FAM107B: variants seen among roughly 807,000 people sequenced by gnomAD.
FAM107B encodes protein FAM107B.
FAM107B carries 21 observed loss-of-function variants against 31.5 expected under a neutral mutation model. The ratio of observed to expected loss-of-function variants is 0.67; its 90% confidence interval spans 0.47 to 0.96. The LOEUF (loss-of-function observed/expected upper bound fraction) is 0.96. Ranked by LOEUF, FAM107B falls within the 40% of genes least tolerant of loss-of-function variation. The pLI is 0.00. For synonymous variants in FAM107B, 157 were observed against 141.5 expected, an observed-to-expected ratio of 1.11 and a Z score of -0.78; for missense variants, 452 against 377.1, an observed-to-expected ratio of 1.20 and a Z score of -1.64.
chr10:14,601,217 C>T (rs1456080201), intron 2 of FAM107B, among the ~76,000 whole-genome samples: 1 of 152,148 alleles, frequency 6.6e-6, no homozygotes, highest in African/African-American at 2.4e-5. Context: ...AGCCCCTTGT[C>T]CATGCACCAT....
chr10:14,548,464 A>T, intron 2 of FAM107B: 4 of 985,768 alleles, frequency 4.1e-6, no homozygotes, highest in Non-Finnish European at 4.8e-6. Context: ...CTGGAAGCGC[A>T]GGGCTCCTCT....
chr10:14,584,218 A>G (rs890404043), intron 2 of FAM107B, among the ~76,000 whole-genome samples: 1 of 152,192 alleles, frequency 6.6e-6, no homozygotes, highest in African/African-American at 2.4e-5. Flanking sequence ...AGTAGCAGCA[A>G]TGACTCAGGA....
At chr10:14,664,056 T>C (rs1316329367) in intron 2 of FAM107B, among the ~76,000 whole-genome samples, 1 of 152,190 alleles carries the variant, frequency 6.6e-6, no homozygotes, top group East Asian at 1.9e-4. Flanking sequence ...TGGTGCATTC[T>C]CTTGAAAAAC....
chr10:14,581,243 C>CA (rs1450417439), intron 2 of FAM107B, among the ~76,000 whole-genome samples: 1 of 152,200 alleles, frequency 6.6e-6, no homozygotes, highest in Non-Finnish European at 1.5e-5. Flanking sequence ...GAGGCCTCTG[C>CA]AGCACATTTG....
intron 2 of FAM107B, among the ~76,000 whole-genome samples, chr10:14,594,740 G>C (rs1048048821): frequency 6.6e-6 from 1 of 152,076 alleles, no homozygotes; most frequent in Non-Finnish European, 1.5e-5. Flanking sequence ...ACCTCTCATG[G>C]AACTGCATTG....
intron 1 of FAM107B, among the ~76,000 whole-genome samples, chr10:14,705,814 AAAC>A (rs1564631698): frequency 3.9e-5 from 6 of 152,158 alleles, no homozygotes; most frequent in Non-Finnish European, 8.8e-5. Context: ...ACAACAATGT[AAAC>A]GTATTTGATG....
At chr10:14,624,432 T>C (rs964455477) in intron 2 of FAM107B, among the ~76,000 whole-genome samples, 2 of 152,098 alleles carry the variant, frequency 1.3e-5, no homozygotes, top group African/African-American at 2.4e-5. Context: ...AGGTCAGGAA[T>C]TGGACACCAG....
intron 2 of FAM107B, among the ~76,000 whole-genome samples, chr10:14,620,888 C>T (rs1852994150): frequency 6.6e-6 from 1 of 152,204 alleles, no homozygotes; most frequent in Admixed American, 6.5e-5. Flanking sequence ...TACTTTCCAG[C>T]ATACAAACCT....
chr10:14,568,785 G>A (rs948787315), intron 2 of FAM107B, among the ~76,000 whole-genome samples: 1 of 151,952 alleles, frequency 6.6e-6, no homozygotes, highest in Non-Finnish European at 1.5e-5. Flanking sequence ...GGAAGAGGCT[G>A]GAGGGGAAGG....
chr10:14,691,177 A>C (rs1263987262), intron 1 of FAM107B, among the ~76,000 whole-genome samples: 1 of 152,156 alleles, frequency 6.6e-6, no homozygotes, highest in Non-Finnish European at 1.5e-5. Context: ...CTGGGATTAC[A>C]GGCATGAGCC....
intron 2 of FAM107B, among the ~76,000 whole-genome samples, chr10:14,592,399 T>C (rs894335746): frequency 2.6e-5 from 4 of 152,146 alleles, no homozygotes; most frequent in South Asian, 2.1e-4. Flanking sequence ...TAAAAAAGCA[T>C]AAAATCACAG....
At chr10:14,521,424 G>C in intron 4 of FAM107B, 118 bp from the exon 5 acceptor site, 1 of 802,910 alleles carries the variant, frequency 1.2e-6, no homozygotes, top group Middle Eastern at 2.5e-4. Context: ...ATTCTCTCCT[G>C]GTCCCCCACT....
At chr10:14,714,056 A>AT (rs1292136552) in intron 1 of FAM107B, among the ~76,000 whole-genome samples, 7 of 152,184 alleles carry the variant, frequency 4.6e-5, no homozygotes, top group Non-Finnish European at 8.8e-5. Context: ...GAAGGTGAGG[A>AT]TAAAAAAAAC....
At chr10:14,583,800 G>C (rs902055011) in intron 2 of FAM107B, among the ~76,000 whole-genome samples, 2 of 152,134 alleles carry the variant, frequency 1.3e-5, no homozygotes, top group Non-Finnish European at 2.9e-5. Context: ...TTCACCGGAA[G>C]AATCTTCTAT....
At chr10:14,627,461 A>C (rs1019712985) in intron 2 of FAM107B, among the ~76,000 whole-genome samples, 1 of 152,230 alleles carries the variant, frequency 6.6e-6, no homozygotes, top group African/African-American at 2.4e-5. Context: ...GCTAGACAGG[A>C]AGATAGAATG....
intron 2 of FAM107B, among the ~76,000 whole-genome samples, chr10:14,586,837 C>T (rs929670535): frequency 5.3e-5 from 8 of 152,198 alleles, no homozygotes; most frequent in African/African-American, 1.9e-4. Context: ...ACCCTCTACC[C>T]CCACCAGGTT....
chr10:14,576,694 G>A (rs548378778), intron 2 of FAM107B, among the ~76,000 whole-genome samples: 32 of 152,278 alleles, frequency 2.1e-4, no homozygotes, highest in Non-Finnish European at 3.5e-4. Context: ...AATTCTAACA[G>A]TGCAAACACA....
At chr10:14,595,199 T>C (rs1852146880) in intron 2 of FAM107B, among the ~76,000 whole-genome samples, 2 of 152,164 alleles carry the variant, frequency 1.3e-5, no homozygotes, top group African/African-American at 4.8e-5. Context: ...TGTGTACATA[T>C]AATGGGTGAA....
chr10:14,633,316 A>T lies in FAM107B; in HGVS notation c.469+34318T>A, dbSNP rs181299923. Reference sequence around the variant, plus strand: ...GTGAAACTAACTAATGAAAAAGAGAATCTACACAATTCCTTAAGGGAAGCA... The same window carrying T: ...GTGAAACTAACTAATGAAAAAGAGATTCTACACAATTCCTTAAGGGAAGCA... On this transcript the variant is annotated intron_variant, in intron 2 of 4. Transcript: ENST00000181796. Among the ~76,000 whole-genome samples, 7 of 151,578 alleles carry T rather than the reference A, an allele frequency of 4.6e-5. No individual in the cohort carries two copies. In the East Asian group the frequency reaches 1.4e-3, roughly 30 times the overall value.
Sources: gnomAD v4.1 joint callset for allele counts (sites outside exome capture counted in the v4.1 genomes callset) on GRCh38, gnomAD v4.1.1 for gene constraint, MANE v1.5 for transcripts, NCBI Gene and HGNC (gene_info 2026-07-23, HGNC 2026-07-21) for gene names.